The following GABRB1 variants were observed in gnomAD, a reference collection of about 807,000 sequenced individuals.
The protein encoded by GABRB1 is gamma-aminobutyric acid type A receptor subunit beta1.
In GABRB1, 17 loss-of-function variants were observed where a neutral mutation model predicts 51.6. The observed-to-expected ratio is 0.33, with a 90% CI of 0.23 to 0.49. GABRB1 has a LOEUF of 0.49. Among genes scored for constraint, GABRB1 ranks in the 20% least tolerant of loss-of-function variants. The pLI is 0.99. For synonymous variants in GABRB1, 247 were observed against 218.9 expected, an observed-to-expected ratio of 1.13 and a Z score of -1.14; for missense variants, 410 against 600.6, an observed-to-expected ratio of 0.68 and a Z score of 3.32.
At chr4:47,062,399 C>A (rs1010089400) in intron 3 of GABRB1, among the ~76,000 whole-genome samples, 5 of 148,168 alleles carry the variant, frequency 3.4e-5, no homozygotes, top group Non-Finnish European at 7.4e-5. Flanking sequence ...ATGCCTTTCT[C>A]TAGATAATTT....
chr4:47,377,546 C>T (rs1727431678), intron 5 of GABRB1, among the ~76,000 whole-genome samples: 1 of 151,948 alleles, frequency 6.6e-6, no homozygotes, highest in Admixed American at 6.6e-5. Flanking sequence ...TTGCAAAGAG[C>T]AAAAGAACAA....
intron 1 of GABRB1, among the ~76,000 whole-genome samples, chr4:47,009,557 T>C (rs540622371): frequency 6.6e-6 from 1 of 152,274 alleles, no homozygotes; most frequent in South Asian, 2.1e-4. Context: ...AGCTAATAAG[T>C]CCAGTTGTAG....
At chr4:47,173,069 T>C (rs951772602) in intron 4 of GABRB1, among the ~76,000 whole-genome samples, 2 of 152,184 alleles carry the variant, frequency 1.3e-5, no homozygotes, top group African/African-American at 4.8e-5. Context: ...CATTTCAAGA[T>C]AGTAACAATA....
chr4:47,370,465 C>T (rs1341225105), intron 5 of GABRB1, among the ~76,000 whole-genome samples: 1 of 141,558 alleles, frequency 7.1e-6, no homozygotes, highest in African/African-American at 2.7e-5. Flanking sequence ...CCAGCCTGGG[C>T]GACAGGACGA....
Position 47,368,794 on chromosome 4 carries a change from CACT to C in GABRB1, c.545-34520_545-34518del, listed in dbSNP as rs549952119. 1.8e-3 allele frequency among the ~76,000 whole-genome samples: 277 copies of C among 152,110 alleles called. 1 individual carries two copies. Among genetic ancestry groups the C allele is most frequent in the African/African-American group, 4.9e-3 (203 of 41,490 alleles). On this transcript the variant is annotated intron_variant, in intron 5 of 8. Transcript: ENST00000295454. ...AACTTAAATAATGTTAGTGGTCATA[CACT>C]ACTGAAACTTTCATAAAAAGTTGCT...
At chr4:47,164,221 A>C (rs1177078323) in intron 4 of GABRB1, among the ~76,000 whole-genome samples, 1 of 152,088 alleles carries the variant, frequency 6.6e-6, no homozygotes, top group Admixed American at 6.6e-5. Context: ...TGCAGGACAC[A>C]GAACCAAACT....
chr4:47,217,778 ATCACATT>A (rs1720612490), intron 4 of GABRB1, among the ~76,000 whole-genome samples: 1 of 151,788 alleles, frequency 6.6e-6, no homozygotes, highest in African/African-American at 2.4e-5. Context: ...ATGTGAAATG[ATCACATT>A]TTAGTATTAA....
At position 47,365,813 on chromosome 4, in the gene GABRB1, T is replaced by C. The variant is rs183762065; in HGVS notation, c.545-37505T>C. On this transcript the variant is annotated intron_variant, in intron 5 of 8. Coordinates refer to ENST00000295454, the MANE Select transcript of GABRB1 (RefSeq NM_000812.4). ...CTCCTGAGCTACACCCTCTGGATTC[T>C]GAGCACAGCTAACCTGCTCTCTCCC... is the stretch of plus-strand genomic sequence containing the variant. Among the ~76,000 whole-genome samples the C allele has an allele frequency of 3.8e-3, 578 of 152,336 alleles. 1 individual carries two copies. The highest frequency in any genetic ancestry group is 6.0e-3 in the Admixed American group (91 of 15,292).
At chr4:47,080,337 A>G (rs1727774845) in intron 3 of GABRB1, among the ~76,000 whole-genome samples, 3 of 151,836 alleles carry the variant, frequency 2.0e-5, no homozygotes, top group Admixed American at 1.3e-4. Context: ...CTTGAATGTC[A>G]TTAATTAGCT....
intron 4 of GABRB1, among the ~76,000 whole-genome samples, chr4:47,283,853 A>G (rs2109911574): frequency 6.6e-6 from 1 of 152,218 alleles, no homozygotes; most frequent in South Asian, 2.1e-4. Context: ...ACTCTCTTAG[A>G]CTGTTGTACC....
intron 1 of GABRB1, among the ~76,000 whole-genome samples, chr4:47,024,399 A>C (rs1387699438): frequency 6.6e-6 from 1 of 151,934 alleles, no homozygotes; most frequent in Non-Finnish European, 1.5e-5. Context: ...TATGGCTAAT[A>C]CATTTCTAAT....
chr4:47,178,047 A>G (rs1004842169), intron 4 of GABRB1, among the ~76,000 whole-genome samples: 1 of 152,074 alleles, frequency 6.6e-6, no homozygotes, highest in African/African-American at 2.4e-5. Context: ...GGTGGAAGCC[A>G]GTCTTTGGAT....
rs185413893 is a variant in GABRB1 at position 47,288,149 on chromosome 4, T to C, written c.462-31978T>C. 5.3e-5 allele frequency among the ~76,000 whole-genome samples: 8 copies of C among 152,266 alleles called. No homozygotes were observed. In the East Asian group the frequency reaches 1.3e-3, roughly 26 times the overall value. On this transcript the variant is annotated intron_variant, in intron 4 of 8. Coordinates refer to ENST00000295454, the MANE Select transcript of GABRB1 (RefSeq NM_000812.4). ...TAGGCAATAAATCAGCATATACTCA[T>C]CTAGTGTCGCACTAATCACAGAACA... is the stretch of plus-strand genomic sequence containing the variant.
chr4:47,221,138 C>G (rs1240492878), intron 4 of GABRB1, among the ~76,000 whole-genome samples: 1 of 151,938 alleles, frequency 6.6e-6, no homozygotes, highest in Non-Finnish European at 1.5e-5. Flanking sequence ...ATTTACATTT[C>G]TAAATGTAAA....
intron 4 of GABRB1, among the ~76,000 whole-genome samples, chr4:47,166,320 C>T (rs1321817640): frequency 6.6e-6 from 1 of 151,894 alleles, no homozygotes; most frequent in African/African-American, 2.4e-5. Flanking sequence ...CCCTTTCCAC[C>T]TCTTCCCTGT....
At chr4:47,342,377 A>G (rs1447337115) in intron 5 of GABRB1, among the ~76,000 whole-genome samples, 1 of 147,152 alleles carries the variant, frequency 6.8e-6, no homozygotes, top group Non-Finnish European at 1.5e-5. Flanking sequence ...TATTCTACAA[A>G]AGACATGAGG....
chr4:47,013,835 A>G (rs1231053377), intron 1 of GABRB1, among the ~76,000 whole-genome samples: 1 of 152,220 alleles, frequency 6.6e-6, no homozygotes, highest in Non-Finnish European at 1.5e-5. Context: ...AAGGAAGAGA[A>G]CAAATTTATT....
At chr4:47,004,544 G>T (rs751205679) in intron 1 of GABRB1, among the ~76,000 whole-genome samples, 3 of 152,202 alleles carry the variant, frequency 2.0e-5, no homozygotes, top group African/African-American at 4.8e-5. Flanking sequence ...AAAAGAATAG[G>T]TTCCCTGGTT....
At chr4:47,117,908 A>C (rs1310047017) in intron 3 of GABRB1, among the ~76,000 whole-genome samples, 1 of 152,196 alleles carries the variant, frequency 6.6e-6, no homozygotes, top group African/African-American at 2.4e-5. Flanking sequence ...AATGGTCACT[A>C]TTATAAAGTC....
Sources: allele counts gnomAD v4.1 joint callset (sites outside exome capture counted in the v4.1 genomes callset), GRCh38; gene constraint gnomAD v4.1.1; transcripts MANE v1.5; gene names NCBI Gene and HGNC (gene_info 2026-07-23, HGNC 2026-07-21).